NRF1: variants seen among roughly 807,000 people sequenced by gnomAD.
NRF1 encodes the protein nuclear respiratory factor 1.
Under a neutral mutation model 58.5 loss-of-function variants are expected in NRF1, and 5 were observed. The observed-to-expected ratio is 0.09, with a 90% CI of 0.04 to 0.18. The LOEUF (loss-of-function observed/expected upper bound fraction) is 0.18, where lower values mean the gene tolerates loss of function less well. Among genes scored for constraint, NRF1 ranks in the 10% least tolerant of loss-of-function variants. The probability of loss-of-function intolerance (pLI) is 1.00; values close to 1 mark genes in which losing one functional copy is unlikely to be tolerated. For missense variants in NRF1, 288 were observed against 657.7 expected, an observed-to-expected ratio of 0.44 and a Z score of 6.15; for synonymous variants, 224 against 246.7, an observed-to-expected ratio of 0.91 and a Z score of 0.86.
In NRF1 at chr7:129,755,987, A is replaced by G. The variant is rs559205235; in HGVS notation, c.*806A>G. 1 of 152,762 alleles carries G rather than the reference A, an allele frequency of 6.5e-6. No individual in the cohort carries two copies. Among genetic ancestry groups the G allele is most frequent in the African/African-American group, 2.4e-5 (1 of 41,516 alleles). The allele number at this position is 152,762 out of a possible 1,614,324, so 9.5% of individuals were successfully genotyped here. A position where few individuals can be genotyped will look rare whatever the true frequency, so the allele number is the denominator to read the frequency against. ...CCCAGGAATCCTTGATCTCATGACTATTAAAATGTTGCTCTGGTTTTAAGG... is the reference window on the plus strand; with the variant it reads ...CCCAGGAATCCTTGATCTCATGACTGTTAAAATGTTGCTCTGGTTTTAAGG... On this transcript the variant is annotated 3_prime_UTR_variant, in exon 11 of 11. Transcript: ENST00000393232. The surrounding 1 kb of genome is among the most constrained non-coding windows in gnomAD (Gnocchi z 5.8).
intron 9 of NRF1, among the ~76,000 whole-genome samples, chr7:129,722,220 C>T (rs200672273): frequency 2.0e-5 from 3 of 151,804 alleles, no homozygotes; most frequent in Non-Finnish European, 2.9e-5. Context: ...GGAGAAACCC[C>T]GTCTCTACTA....
intron 4 of NRF1, among the ~76,000 whole-genome samples, chr7:129,681,183 G>C (rs1802299382): frequency 6.6e-6 from 1 of 152,246 alleles, no homozygotes; most frequent in Non-Finnish European, 1.5e-5. Context: ...TCCGGAGCCA[G>C]TGATACAGGC....
At chr7:129,749,630 G>T (rs905745275) in intron 10 of NRF1, among the ~76,000 whole-genome samples, 2 of 152,040 alleles carry the variant, frequency 1.3e-5, no homozygotes, top group Non-Finnish European at 2.9e-5. Flanking sequence ...CATGAAGCTT[G>T]AGAAGAAAAG....
At chr7:129,689,079 T>G (rs1413265114) in intron 4 of NRF1, among the ~76,000 whole-genome samples, 2 of 152,180 alleles carry the variant, frequency 1.3e-5, no homozygotes, top group Non-Finnish European at 2.9e-5. Context: ...AAACTTTATT[T>G]TTTATTAGAG....
intron 1 of NRF1, among the ~76,000 whole-genome samples, chr7:129,640,806 G>C (rs191232267): frequency 2.2e-4 from 34 of 151,180 alleles, no homozygotes; most frequent in Non-Finnish European, 2.2e-4. Flanking sequence ...GTCACAATTT[G>C]GAAAATGAGA....
intron 1 of NRF1, among the ~76,000 whole-genome samples, chr7:129,621,366 A>G (rs1163560089): frequency 3.3e-5 from 5 of 152,212 alleles, no homozygotes; most frequent in Non-Finnish European, 5.9e-5. Flanking sequence ...ATGTTGGGTA[A>G]TCTTAAACTT....
intron 1 of NRF1, among the ~76,000 whole-genome samples, chr7:129,640,776 A>G (rs1027698027): frequency 2.0e-5 from 3 of 152,188 alleles, no homozygotes; most frequent in Admixed American, 2.0e-4. Context: ...GACTTTGGGT[A>G]ACTCACTGGG....
chr7:129,637,154 ACT>A (rs912760829), intron 1 of NRF1, among the ~76,000 whole-genome samples: 9 of 151,828 alleles, frequency 5.9e-5, no homozygotes, highest in African/African-American at 1.9e-4. Flanking sequence ...AATGGCTTTA[ACT>A]CTCTGCATTC....
At chr7:129,677,028 T>TTTG (rs1802196835) in intron 3 of NRF1, among the ~76,000 whole-genome samples, 1 of 149,914 alleles carries the variant, frequency 6.7e-6, no homozygotes, top group African/African-American at 2.4e-5. Flanking sequence ...TTTTTTTTTT[T>TTTG]GAGAAAAAGT....
intron 10 of NRF1, among the ~76,000 whole-genome samples, chr7:129,745,825 T>C (rs1250353713): frequency 1.3e-5 from 2 of 152,168 alleles, no homozygotes; most frequent in African/African-American, 4.8e-5. Flanking sequence ...ATCTCCAAAA[T>C]AGGTCTTGAG....
In NRF1 at chr7:129,734,963, G is replaced by A. The variant is rs566829857; in HGVS notation, c.1348+7598G>A. 4 of 679,408 alleles carry A rather than the reference G, an allele frequency of 5.9e-6. No individual in the cohort carries two copies. In the South Asian group the frequency reaches 2.0e-4, roughly 34 times the overall value. 42.1% of individuals were successfully genotyped at this position (679,408 alleles called of 1,614,324 possible). A position where few individuals can be genotyped will look rare whatever the true frequency, so the allele number is the denominator to read the frequency against. On this transcript the variant is annotated intron_variant, in intron 10 of 10. Transcript: ENST00000393232. ...AACAAAGTTGAGACCAAGGTGGTAG[G>A]GCTGTGGATCCTGGGGAAAGGGTCA...
intron 7 of NRF1, 76 bp from the exon 8 acceptor site, chr7:129,711,399 T>C (rs758359229): frequency 5.1e-5 from 54 of 1,069,188 alleles, no homozygotes; most frequent in Non-Finnish European, 7.4e-5. Flanking sequence ...TGGGATTAAA[T>C]GAGTCTCAGC....
In NRF1 at chr7:129,744,291, A is replaced by G; in HGVS notation, c.1349-10727A>G. On this transcript the variant is annotated intron_variant, in intron 10 of 10. Coordinates refer to ENST00000393232, the MANE Select transcript of NRF1 (RefSeq NM_005011.5). The stretch of plus-strand genomic sequence containing the variant: ...AGGATAGAGTCACTGTGAGGCTGTC[A>G]TTCCAGGCGCTGCTTCCTGCTTGGA... 9.8e-6 allele frequency: 14 copies of G among 1,431,220 alleles called. No individual in the cohort carries two copies. In the South Asian group the frequency reaches 1.7e-4, roughly 18 times the overall value. The allele number at this position is 1,431,220 out of a possible 1,614,324, so 88.7% of individuals were successfully genotyped here. A position where few individuals can be genotyped will look rare whatever the true frequency, so the allele number is the denominator to read the frequency against.
At chr7:129,714,833 A>G (rs2116210144) in intron 8 of NRF1, among the ~76,000 whole-genome samples, 1 of 152,188 alleles carries the variant, frequency 6.6e-6, no homozygotes, top group East Asian at 1.9e-4. Context: ...TAAAATATCT[A>G]CCTCCTAGAG....
chr7:129,626,030 G>A (rs1167552600), intron 1 of NRF1, among the ~76,000 whole-genome samples: 1 of 151,998 alleles, frequency 6.6e-6, no homozygotes, highest in African/African-American at 2.4e-5. Context: ...GTGTTGGCCA[G>A]GCTGGTCTCA....
At chr7:129,618,040 A>G (rs1033593690) in intron 1 of NRF1, among the ~76,000 whole-genome samples, 7 of 152,200 alleles carry the variant, frequency 4.6e-5, no homozygotes, top group African/African-American at 1.4e-4. Flanking sequence ...GACATCCACT[A>G]TGGTTTTTAA....
intron 1 of NRF1, among the ~76,000 whole-genome samples, chr7:129,650,068 A>G (rs1346963082): frequency 6.6e-6 from 1 of 152,144 alleles, no homozygotes; most frequent in East Asian, 1.9e-4. Context: ...GGACCTTTAG[A>G]TGAAGGATAT....
chr7:129,732,510 CT>C (rs1469467694), intron 10 of NRF1, among the ~76,000 whole-genome samples: 3 of 152,154 alleles, frequency 2.0e-5, no homozygotes, highest in African/African-American at 7.2e-5. Context: ...ATAGCTGACA[CT>C]TTTCCTAATG....
At chr7:129,707,578 G>A (rs1802980943) in intron 5 of NRF1, among the ~76,000 whole-genome samples, 1 of 152,088 alleles carries the variant, frequency 6.6e-6, no homozygotes, top group Admixed American at 6.6e-5. Context: ...AGAATAAAGG[G>A]AAAAATGACT....
Sources: gnomAD v4.1 joint callset for allele counts (sites outside exome capture counted in the v4.1 genomes callset) on GRCh38, gnomAD v4.1.1 for gene constraint, Gnocchi (gnomAD v3.1) non-coding constraint, MANE v1.5 for transcripts, NCBI Gene and HGNC (gene_info 2026-07-23, HGNC 2026-07-21) for gene names.